PDHX: variants seen among roughly 807,000 people sequenced by gnomAD.
PDHX encodes pyruvate dehydrogenase protein X component, mitochondrial.
In PDHX, 33 loss-of-function variants were observed where a neutral mutation model predicts 55.3. That is an observed-to-expected ratio of 0.60 (90% CI 0.45 to 0.80). The LOEUF is 0.80. Ranked by LOEUF, PDHX falls within the 30% of genes least tolerant of loss-of-function variation. The pLI, the probability that PDHX is intolerant of heterozygous loss-of-function variation, is 0.00. For synonymous variants in PDHX, 226 were observed against 219.4 expected (o/e 1.03, Z -0.27); for missense variants, 622 against 619.9 (o/e 1.00, Z -0.04).
intron 3 of PDHX, 34 bp downstream of exon 3, chr11:34,947,640 G>A (rs1321586787): frequency 2.9e-6 from 4 of 1,399,854 alleles, no homozygotes; most frequent in Non-Finnish European, 4.1e-6. Flanking sequence ...TCAACAGGAT[G>A]AAGATTTCTT....
At chr11:34,969,926 C>G (rs1276703256) in intron 6 of PDHX, among the ~76,000 whole-genome samples, 1 of 152,106 alleles carries the variant, frequency 6.6e-6, no homozygotes, top group Non-Finnish European at 1.5e-5. Flanking sequence ...TTACTTTTTT[C>G]TGTAGTTATA....
chr11:34,969,996 A>G (rs1364147612), intron 6 of PDHX, 143 bp from the exon 7 acceptor site: 4 of 735,064 alleles, frequency 5.4e-6, no homozygotes, highest in Non-Finnish European at 9.2e-6. Context: ...AAGAATTTTA[A>G]TAGTGCTTTT....
At chr11:34,915,935 C>T, upstream of PDHX, 1 of 519,190 alleles carries the variant, frequency 1.9e-6, no homozygotes. Context: ...CTGATAAATA[C>T]CCGGTGAGGT....
intron 2 of PDHX, among the ~76,000 whole-genome samples, chr11:34,936,864 C>T (rs1044058368): frequency 1.4e-5 from 2 of 142,854 alleles, no homozygotes; most frequent in Non-Finnish European, 3.0e-5. Context: ...ATCTTGCTCA[C>T]TGCAACCTCC....
At position 34,995,793 on chromosome 11, in the gene PDHX, T is replaced by C. The variant is rs951883547; in HGVS notation, c.*621T>C. 1 of 152,766 alleles carries C rather than the reference T, an allele frequency of 6.5e-6. No individual in the cohort carries two copies. Among genetic ancestry groups the C allele is most frequent in the African/African-American group, 2.4e-5 (1 of 41,454 alleles). 9.5% of individuals were successfully genotyped at this position (152,766 alleles called of 1,614,324 possible). A position where few individuals can be genotyped will look rare whatever the true frequency, so the allele number is the denominator to read the frequency against. ...TTCTATCTGTCTTGTTTTTCACTTA[T>C]ATAACACTGTGAACTTCTAAAGCAA... is the stretch of plus-strand genomic sequence containing the variant. On this transcript the variant is annotated 3_prime_UTR_variant, in exon 11 of 11. Coordinates refer to ENST00000227868, the MANE Select transcript of PDHX (RefSeq NM_003477.3).
intron 1 of PDHX, among the ~76,000 whole-genome samples, chr11:34,919,404 T>A (rs1853819538): frequency 6.6e-6 from 1 of 152,252 alleles, no homozygotes; most frequent in Non-Finnish European, 1.5e-5. Flanking sequence ...GTTTCGTCTT[T>A]CACACAAATA....
At chr11:34,955,921 A>G (rs552377246) in intron 3 of PDHX, among the ~76,000 whole-genome samples, 1 of 152,280 alleles carries the variant, frequency 6.6e-6, no homozygotes, top group South Asian at 2.1e-4. Context: ...GTCACTTAAC[A>G]GTGCTTTTTT....
rs546558911 is a variant in PDHX at position 34,951,707 on chromosome 11, C to G, written c.342+4101C>G. ...CAGAAGCTCTTTGGTTTAATTAGAT[C>G]CCATTTGTCAATTTTTGGCTTTTGT... On this transcript the variant is annotated intron_variant, in intron 3 of 10. Transcript: ENST00000227868. Among the ~76,000 whole-genome samples, 30 of 152,252 alleles carry G rather than the reference C, an allele frequency of 2.0e-4. No homozygotes were observed. In the South Asian group the frequency reaches 6.0e-3, roughly 31 times the overall value.
intron 1 of PDHX, among the ~76,000 whole-genome samples, chr11:34,929,767 G>A (rs551871693): frequency 2.6e-5 from 4 of 152,314 alleles, no homozygotes; most frequent in Admixed American, 1.3e-4. Flanking sequence ...TGAAATGGGC[G>A]TGTTTGACTT....
chr11:34,972,282 T>G (rs1165218168), intron 7 of PDHX, among the ~76,000 whole-genome samples: 5 of 152,150 alleles, frequency 3.3e-5, no homozygotes, highest in African/African-American at 1.2e-4. Flanking sequence ...TATTTCTAGT[T>G]TCTTAAGGTG....
In PDHX at chr11:34,951,381, C is replaced by A. The variant is rs867749355; in HGVS notation, c.342+3775C>A. On this transcript the variant is annotated intron_variant, in intron 3 of 10. Coordinates refer to ENST00000227868, the MANE Select transcript of PDHX (RefSeq NM_003477.3). ...GCCTGTTTCCTGACTTTTTAATGAT[C>A]GCCATTCTAACTGGTGTGAGATGGT... 2.0e-5 allele frequency among the ~76,000 whole-genome samples: 3 copies of A among 151,952 alleles called. 1 individual carries two copies. In the South Asian group the frequency reaches 6.2e-4, roughly 32 times the overall value.
At chr11:34,985,156 T>G (rs1055539469) in intron 9 of PDHX, among the ~76,000 whole-genome samples, 1 of 152,178 alleles carries the variant, frequency 6.6e-6, no homozygotes, top group Non-Finnish European at 1.5e-5. Context: ...TTAAAAGAAC[T>G]TAGCGGCCAG....
rs141752861 is a variant in PDHX, at chr11:34,992,348, T to G, written c.1216T>G (p.Leu406Val). The change falls in exon 10 of 11, where the codon TTG becomes GTG. Residue 406 changes from leucine to valine, a missense_variant. By Grantham distance (32) the Leu-to-Val change is conservative. Transcript: ENST00000227868. ...LSKKARDGKL[L>V]PEEYQGGSFS... The stretch of plus-strand genomic sequence containing the variant: ...AAAGAAAGCAAGAGATGGAAAATTG[T>G]TGCCTGAAGAATACCAAGGAGGATC... The G allele has an allele frequency of 6.2e-7, 1 of 1,603,580 alleles. No homozygotes were observed. Among genetic ancestry groups the G allele is most frequent in the East Asian group, 2.2e-5 (1 of 44,622 alleles).
At chr11:34,975,544 G>A (rs962616006) in intron 7 of PDHX, among the ~76,000 whole-genome samples, 1 of 152,074 alleles carries the variant, frequency 6.6e-6, no homozygotes. Context: ...ATCTTGGTTA[G>A]CATGGATTTT....
intron 7 of PDHX, among the ~76,000 whole-genome samples, chr11:34,976,837 C>T (rs1372396993): frequency 1.3e-5 from 2 of 152,086 alleles, no homozygotes; most frequent in African/African-American, 2.4e-5. Context: ...TTTTAGAAGT[C>T]TTCACTGTGA....
At chr11:34,931,143 T>C (rs1481185814) in intron 1 of PDHX, among the ~76,000 whole-genome samples, 1 of 152,190 alleles carries the variant, frequency 6.6e-6, no homozygotes, top group Non-Finnish European at 1.5e-5. Flanking sequence ...AGCACCTGGC[T>C]TGAGAAGATG....
chr11:34,932,205 G>A (rs1204586544), intron 2 of PDHX, among the ~76,000 whole-genome samples: 2 of 152,076 alleles, frequency 1.3e-5, no homozygotes, highest in African/African-American at 2.4e-5. Flanking sequence ...TCTGAACCCG[G>A]AAGTGGAATA....
intron 6 of PDHX, among the ~76,000 whole-genome samples, chr11:34,968,978 A>C (rs1382663369): frequency 2.0e-5 from 3 of 152,196 alleles, no homozygotes; most frequent in Non-Finnish European, 4.4e-5. Context: ...TGTAAAAGTG[A>C]TACACATTCA....
intron 1 of PDHX, among the ~76,000 whole-genome samples, chr11:34,926,111 C>T (rs1854013601): frequency 6.6e-6 from 1 of 152,136 alleles, no homozygotes; most frequent in Non-Finnish European, 1.5e-5. Flanking sequence ...TACTCCAGTA[C>T]CACACCAAAA....
Sources: gnomAD v4.1 joint callset for allele counts (sites outside exome capture counted in the v4.1 genomes callset) on GRCh38, gnomAD v4.1.1 for gene constraint, MANE v1.5 for transcripts, NCBI Gene and HGNC (gene_info 2026-07-23, HGNC 2026-07-21) for gene names.